Variants in NSD2 observed in about 807,000 individuals in gnomAD.
NSD2 encodes nuclear receptor binding SET domain protein 2.
NSD2 carries 12 observed loss-of-function variants against 139.0 expected under a neutral mutation model. The ratio of observed to expected loss-of-function variants is 0.09; its 90% CI spans 0.06 to 0.14. The LOEUF (loss-of-function observed/expected upper bound fraction) is 0.14. Ranked by LOEUF, NSD2 falls within the 10% of genes least tolerant of loss-of-function variation. The pLI is 1.00. For synonymous variants in NSD2, 669 were observed against 648.7 expected (o/e 1.03, Z -0.48); for missense variants, 1,155 against 1,745.0 (o/e 0.66, Z 6.02).
rs1725175218 is a variant in NSD2, at chr4:1,959,689, C to T, written c.3204C>T (p.Ile1068=). 1 of 1,613,948 alleles carries T rather than the reference C, an allele frequency of 6.2e-7. No individual in the cohort carries two copies. Among genetic ancestry groups the T allele is most frequent in the Non-Finnish European group, 8.5e-7 (1 of 1,179,992 alleles). The change falls in exon 17 of 22, where the codon ATC becomes ATT. Residue 1068 remains isoleucine (I), a synonymous_variant. Coordinates refer to ENST00000508803, the MANE Select transcript of NSD2 (RefSeq NM_001042424.3). ...GCCAGTACCCAGAGACCAAGATCAT[C>T]AAGACAGATGGCAAAGGGTGGGGCC... ...TKRQYPETKI[I]KTDGKGWGLV... is the part of the protein sequence containing the mutation.
chr4:1,953,060 G>T, intron 11 of NSD2: 1 of 1,457,402 alleles, frequency 6.9e-7, no homozygotes, highest in Non-Finnish European at 9.0e-7. Context: ...AGTTAGACTG[G>T]GCCTCCCCAG....
At position 1,953,211 on chromosome 4, in the gene NSD2, T is replaced by C. The variant is rs546737655; in HGVS notation, c.2138-113T>C. On this transcript the variant is annotated intron_variant, in intron 11 of 21. Coordinates refer to ENST00000508803, the MANE Select transcript of NSD2 (RefSeq NM_001042424.3). ...AGGTTGGAAACAGGGCCAGGTGCTT[T>C]AGCAGCATGGCTGCCTCTGAAGAGG... 3.6e-4 allele frequency: 568 copies of C among 1,583,346 alleles called. 1 individual carries two copies. Among genetic ancestry groups the C allele is most frequent in the Admixed American group, 6.8e-4 (37 of 54,068 alleles).
intron 21 of NSD2, 97 bp from the exon 22 acceptor site, chr4:1,978,541 C>G (rs143506366): frequency 1.3e-5 from 19 of 1,500,876 alleles, no homozygotes; most frequent in Non-Finnish European, 1.5e-5. Flanking sequence ...ATTTTGTGTT[C>G]ATTTGACCTG....
At chr4:1,891,575 G>A (rs892604070) in intron 1 of NSD2, among the ~76,000 whole-genome samples, 2 of 152,128 alleles carry the variant, frequency 1.3e-5, no homozygotes, top group Admixed American at 6.6e-5. Flanking sequence ...CCAGAGAACC[G>A]GGCACGGTGG....
intron 7 of NSD2, 24 bp from the exon 8 acceptor site, chr4:1,938,427 T>TTTTTTTTTTTTTTTTC: frequency 8.5e-7 from 1 of 1,179,724 alleles, no homozygotes. Flanking sequence ...TTTTTTTTTT[T>TTTTTTTTTTTTTTTTC]TTTTTTTTTT....
At chr4:1,961,437 G>C (rs1009113641) in intron 18 of NSD2, among the ~76,000 whole-genome samples, 2 of 152,194 alleles carry the variant, frequency 1.3e-5, no homozygotes, top group African/African-American at 4.8e-5. Flanking sequence ...GAAGTAGAGA[G>C]GACACAGATG....
chr4:1,969,323 G>T (rs1017643200), intron 18 of NSD2, among the ~76,000 whole-genome samples: 4 of 152,160 alleles, frequency 2.6e-5, no homozygotes, highest in African/African-American at 9.7e-5. Flanking sequence ...CCATCAAGCC[G>T]ACAGCAGTGA....
rs1440756315 is a variant in NSD2 at position 1,974,274 on chromosome 4, G to A, written c.3373-589G>A. Among the ~76,000 whole-genome samples, 10 of 151,418 alleles carry A rather than the reference G, an allele frequency of 6.6e-5. No individual in the cohort carries two copies. The highest frequency in any genetic ancestry group is 2.0e-4 in the Admixed American group (3 of 15,220). On this transcript the variant is annotated intron_variant, in intron 18 of 21. Transcript: ENST00000508803. The surrounding 1 kb of genome is among the most constrained non-coding windows in gnomAD (Gnocchi z 4.0). Reference sequence around the variant, plus strand: ...TGCCCAGGCTGGAGTGCAGTGGCGCGATCTCCACTCTCTGTAACCTCCGCC... The same window carrying A: ...TGCCCAGGCTGGAGTGCAGTGGCGCAATCTCCACTCTCTGTAACCTCCGCC...
In NSD2 at chr4:1,955,936, G is replaced by T. The variant is rs375757398; in HGVS notation, c.2676-47G>T. 2 of 1,610,486 alleles carry T rather than the reference G, an allele frequency of 1.2e-6. No homozygotes were observed. The highest frequency in any genetic ancestry group is 1.7e-6 in the Non-Finnish European group (2 of 1,177,706). On this transcript the variant is annotated intron_variant, in intron 14 of 21. Transcript: ENST00000508803. The surrounding 1 kb of genome is among the most constrained non-coding windows in gnomAD (Gnocchi z 4.7). ...TACTTAAAGTATTGAAATTATTATCGCTGTCTCTGAGGAGTCTGTGAATCC... is the reference window on the plus strand; with the variant it reads ...TACTTAAAGTATTGAAATTATTATCTCTGTCTCTGAGGAGTCTGTGAATCC...
chr4:1,912,360 TAATA>T (rs1718794397), intron 3 of NSD2, among the ~76,000 whole-genome samples: 1 of 152,176 alleles, frequency 6.6e-6, no homozygotes, highest in South Asian at 2.1e-4. Flanking sequence ...TCACTATTTG[TAATA>T]AATGAAAAAT....
rs908296687 is a variant in NSD2 at position 1,955,474 on chromosome 4, A to G, written c.2518+134A>G. On this transcript the variant is annotated intron_variant, in intron 13 of 21. Transcript: ENST00000508803. This position sits in a 1 kb window ranked among gnomAD's most constrained non-coding sequence, Gnocchi z 4.7. ...TTCTGTGCGTCTTCACGTTAATAGT[A>G]TATCACAGTAGCTCTAAATTAATTG... 35 of 1,260,068 alleles carry G rather than the reference A, an allele frequency of 2.8e-5. No homozygotes were observed. In the East Asian group the frequency reaches 8.7e-4, roughly 31 times the overall value. 78.1% of individuals were successfully genotyped at this position (1,260,068 alleles called of 1,614,324 possible).
Position 1,973,462 on chromosome 4 carries a change from G to A in NSD2, c.3373-1401G>A, listed in dbSNP as rs1019211722. On this transcript the variant is annotated intron_variant, in intron 18 of 21. Transcript: ENST00000508803. This position sits in a 1 kb window ranked among gnomAD's most constrained non-coding sequence, Gnocchi z 5.5. Reference sequence around the variant, plus strand: ...GTGCACATCAGCACCGCGGCTCAGCGCGTCATGACAAAGCATCTGCAGAGG... The same window carrying A: ...GTGCACATCAGCACCGCGGCTCAGCACGTCATGACAAAGCATCTGCAGAGG... Among the ~76,000 whole-genome samples the A allele has an allele frequency of 3.9e-5, 6 of 152,254 alleles. No homozygotes were observed. Among genetic ancestry groups the A allele is most frequent in the African/African-American group, 7.2e-5 (3 of 41,478 alleles).
intron 12 of NSD2, 113 bp downstream of exon 12, chr4:1,953,637 C>T (rs1724511110): frequency 2.3e-6 from 3 of 1,314,740 alleles, no homozygotes; most frequent in South Asian, 1.5e-5. Flanking sequence ...CATTAATTAT[C>T]TTGAGTGACT....
intron 7 of NSD2, 56 bp downstream of exon 7, chr4:1,935,318 G>A: frequency 7.2e-7 from 1 of 1,388,130 alleles, no homozygotes; most frequent in Non-Finnish European, 1.0e-6. Flanking sequence ...GTGACTCTTG[G>A]TGCCACTGTT....
At chr4:1,964,629 T>TGC (rs777753994) in intron 18 of NSD2, among the ~76,000 whole-genome samples, 1 of 150,830 alleles carries the variant, frequency 6.6e-6, no homozygotes, top group Non-Finnish European at 1.5e-5. Flanking sequence ...AGAGGTGCGC[T>TGC]GCGCTGCCGT....
At chr4:1,881,691 T>C (rs147100991) in intron 1 of NSD2, among the ~76,000 whole-genome samples, 1 of 152,358 alleles carries the variant, frequency 6.6e-6, no homozygotes, top group East Asian at 1.9e-4. Flanking sequence ...GCCACCCCTC[T>C]GAGCCCTGGT....
rs1577599071 is a variant in NSD2 at position 1,979,787 on chromosome 4, T to G, written c.*878T>G. On this transcript the variant is annotated 3_prime_UTR_variant, in exon 22 of 22. Coordinates refer to ENST00000508803, the MANE Select transcript of NSD2 (RefSeq NM_001042424.3). ...TCAATATATTTTTGCTAAACCTATT[T>G]CACAAATCACCACCGACTGAAGTGT... 2.2e-5 allele frequency: 5 copies of G among 232,248 alleles called. No individual in the cohort carries two copies. In the East Asian group the frequency reaches 3.0e-4, roughly 14 times the overall value. The allele number at this position is 232,248 out of a possible 1,614,324, so 14.4% of individuals were successfully genotyped here.
chr4:1,885,189 T>C (rs997946259), intron 1 of NSD2, among the ~76,000 whole-genome samples: 3 of 152,206 alleles, frequency 2.0e-5, no homozygotes, highest in African/African-American at 7.2e-5. Context: ...TGCTTGTTTG[T>C]CCACTATCTA....
Position 1,973,821 on chromosome 4 carries a change from G to A in NSD2, c.3373-1042G>A, listed in dbSNP as rs188796481. Among the ~76,000 whole-genome samples the A allele has an allele frequency of 2.8e-4, 43 of 152,330 alleles. No homozygotes were observed. The highest frequency in any genetic ancestry group is 8.9e-4 in the African/African-American group (37 of 41,592). On this transcript the variant is annotated intron_variant, in intron 18 of 21. Coordinates refer to ENST00000508803, the MANE Select transcript of NSD2 (RefSeq NM_001042424.3). The surrounding 1 kb of genome is among the most constrained non-coding windows in gnomAD (Gnocchi z 5.5). ...TTTTGTTTGAACACGTGACTGTTAC[G>A]CTTTATGTGGCCTTTTGATTTCTCC...
Sources: allele counts gnomAD v4.1 joint callset (sites outside exome capture counted in the v4.1 genomes callset), GRCh38; gene constraint gnomAD v4.1.1; non-coding constraint Gnocchi (gnomAD v3.1); transcripts MANE v1.5; gene names NCBI Gene and HGNC (gene_info 2026-07-23, HGNC 2026-07-21).